The following ARHGAP33 variants were observed in gnomAD, a reference collection of about 807,000 sequenced individuals.
ARHGAP33 encodes the protein rho GTPase-activating protein 33.
Under a neutral mutation model 126.2 loss-of-function variants are expected in ARHGAP33, and 57 were observed. The ratio of observed to expected loss-of-function variants is 0.45; its 90% CI spans 0.36 to 0.56. ARHGAP33 has a LOEUF of 0.56. ARHGAP33 is among the 20% of genes least tolerant of loss of function. ARHGAP33 has a pLI of 0.00. For synonymous variants in ARHGAP33, 711 were observed against 755.0 expected (o/e 0.94, Z 0.95); for missense variants, 1,500 against 1,748.3 (o/e 0.86, Z 2.53).
At position 35,785,497 on chromosome 19, in the gene ARHGAP33, G is replaced by A. The variant is rs1326365175; in HGVS notation, c.1942+14G>A. 3 of 1,614,176 alleles carry A rather than the reference G, an allele frequency of 1.9e-6. No homozygotes were observed. Among genetic ancestry groups the A allele is most frequent in the Non-Finnish European group, 2.5e-6 (3 of 1,179,994 alleles). ...CCAGCGGGGCTGGTGAGCAAGGCGG[G>A]CAATTGGGGGGCGCTACCTGTGCCC... is the stretch of plus-strand genomic sequence containing the variant. On this transcript the variant is annotated intron_variant, in intron 19 of 20. Coordinates refer to ENST00000007510, the MANE Select transcript of ARHGAP33 (RefSeq NM_001366178.1).
intron 6 of ARHGAP33, 163 bp downstream of exon 6, chr19:35,779,287 T>A: frequency 1.7e-6 from 1 of 602,040 alleles, no homozygotes; most frequent in Non-Finnish European, 3.0e-6. Context: ...TGAGAGAATG[T>A]GTGTGAGCAT....
chr19:35,777,711 G>C lies in ARHGAP33; in HGVS notation c.73G>C (p.Gly25Arg). Residue 25 changes from glycine (G) to arginine (R), a missense_variant, in exon 2 of 21, where the codon GGG becomes CGG. Coordinates refer to ENST00000007510, the MANE Select transcript of ARHGAP33 (RefSeq NM_001366178.1). ...GSVQPLPTAGGPSVKGKPGKR... is the reference protein window; with the variant it reads ...GSVQPLPTAGRPSVKGKPGKR... Reference sequence around the variant, plus strand: ...GGTGCAGCCTCTACCCACTGCTGGGGGGCCCAGTGTGAAGGGGAAGCCTGG... The same window carrying C: ...GGTGCAGCCTCTACCCACTGCTGGGCGGCCCAGTGTGAAGGGGAAGCCTGG... The C allele has an allele frequency of 1.2e-6, 2 of 1,606,962 alleles. No individual in the cohort carries two copies. The highest frequency in any genetic ancestry group is 1.7e-4 in the Middle Eastern group (1 of 6,058).
At chr19:35,779,165 G>A in intron 6 of ARHGAP33, 41 bp downstream of exon 6, 1 of 1,505,338 alleles carries the variant, frequency 6.6e-7, no homozygotes, top group Non-Finnish European at 9.0e-7. Flanking sequence ...GAGTGGGTGA[G>A]GGGGTGTCTG....
At position 35,781,209 on chromosome 19, in the gene ARHGAP33, A is replaced by C; in HGVS notation, c.1042A>C (p.Ile348Leu). 6.2e-7 allele frequency: 1 copy of C among 1,612,876 alleles called. No homozygotes were observed. Residue 348 changes from isoleucine to leucine, a missense_variant, in exon 12 of 21, where the codon ATC becomes CTC. Ile to Leu is a conservative substitution (Grantham distance 5, BLOSUM62 2). Coordinates refer to ENST00000007510, the MANE Select transcript of ARHGAP33 (RefSeq NM_001366178.1). ...TGAGGCCCACGGGGTGGTGGATGGG[A>C]TCTACCGGCTCTCAGGCGTGTCTTC... ...FIEAHGVVDG[I>L]YRLSGVSSNI... is the part of the protein sequence containing the mutation.
chr19:35,788,416 G>T lies in ARHGAP33; in HGVS notation c.3851G>T (p.Arg1284Leu), dbSNP rs750212379. The T allele has an allele frequency of 1.3e-6, 2 of 1,568,978 alleles. No homozygotes were observed. The highest frequency in any genetic ancestry group is 1.7e-6 in the Non-Finnish European group (2 of 1,157,638). The change falls in exon 21 of 21, where the codon CGA becomes CTA. Residue 1284 changes from arginine (R) to leucine (L), a missense_variant. Around this residue, in one of 6 missense-constraint regions of ARHGAP33, gnomAD observed 642 missense variants for 634.0 expected, o/e 1.01. Transcript: ENST00000007510. ...SWSLHSEGQT[R>L]SYC ...TCCCTCCACTCTGAGGGCCAGACCC[G>T]AAGCTACTGCTGAGCACCAGCTGGG... is the stretch of plus-strand genomic sequence containing the variant.
Position 35,777,755 on chromosome 19 carries a change from G to T in ARHGAP33, c.104+13G>T. 1 of 1,613,524 alleles carries T rather than the reference G, an allele frequency of 6.2e-7. No homozygotes were observed. The highest frequency in any genetic ancestry group is 8.5e-7 in the Non-Finnish European group (1 of 1,179,628). Reference sequence around the variant, plus strand: ...AGCCTGGGAAGAGGTGAGGGTGAGGGAGGAAAGGGCTCAGCTAGGAGCTGG... The same window carrying T: ...AGCCTGGGAAGAGGTGAGGGTGAGGTAGGAAAGGGCTCAGCTAGGAGCTGG... On this transcript the variant is annotated intron_variant, in intron 2 of 20. Transcript: ENST00000007510.
chr19:35,780,105 T>A, intron 6 of ARHGAP33, 106 bp from the exon 7 acceptor site: 1 of 1,470,722 alleles, frequency 6.8e-7, no homozygotes, highest in Non-Finnish European at 9.3e-7. Flanking sequence ...TGACAGGGGC[T>A]CTTGACGGGG....
At chr19:35,777,336 G>A (rs1639496481) in intron 1 of ARHGAP33, among the ~76,000 whole-genome samples, 1 of 152,080 alleles carries the variant, frequency 6.6e-6, no homozygotes, top group South Asian at 2.1e-4. Flanking sequence ...ACAGTGGTAG[G>A]AGATCACTGT....
In ARHGAP33 at chr19:35,788,549, A is replaced by G. The variant is rs979006145; in HGVS notation, c.*120A>G. On this transcript the variant is annotated 3_prime_UTR_variant, in exon 21 of 21. Coordinates refer to ENST00000007510, the MANE Select transcript of ARHGAP33 (RefSeq NM_001366178.1). ...CACTACCCCAGGTTTCTAACTTTGT[A>G]ACTTGCTTCTGATGTGGGTCCCTAA... is the stretch of plus-strand genomic sequence containing the variant. 19 of 932,442 alleles carry G rather than the reference A, an allele frequency of 2.0e-5. No individual in the cohort carries two copies. The highest frequency in any genetic ancestry group is 2.9e-5 in the Non-Finnish European group (19 of 652,920). 57.8% of individuals were successfully genotyped at this position (932,442 alleles called of 1,614,324 possible). A position where few individuals can be genotyped will look rare whatever the true frequency, so the allele number is the denominator to read the frequency against.
chr19:35,783,616 T>G, intron 15 of ARHGAP33, among the ~76,000 whole-genome samples: 1 of 150,672 alleles, frequency 6.6e-6, no homozygotes, highest in Non-Finnish European at 1.5e-5. Context: ...TGGAGCTGAG[T>G]GAGTGAGGGG....
chr19:35,788,712 C>T lies in ARHGAP33; in HGVS notation c.*283C>T, dbSNP rs1972253345. On this transcript the variant is annotated 3_prime_UTR_variant, in exon 21 of 21. Coordinates refer to ENST00000007510, the MANE Select transcript of ARHGAP33 (RefSeq NM_001366178.1). ...ATCCTCCTCTCCCTCCAGGAGCCCCCAGCATGTCCTGACCTGTGCACGGGG... is the reference window on the plus strand; with the variant it reads ...ATCCTCCTCTCCCTCCAGGAGCCCCTAGCATGTCCTGACCTGTGCACGGGG... 1 of 412,474 alleles carries T rather than the reference C, an allele frequency of 2.4e-6. No individual in the cohort carries two copies. Among genetic ancestry groups the T allele is most frequent in the East Asian group, 4.4e-5 (1 of 22,562 alleles). 25.6% of individuals were successfully genotyped at this position (412,474 alleles called of 1,614,324 possible).
chr19:35,787,336 C>T lies in ARHGAP33; in HGVS notation c.2771C>T (p.Pro924Leu), dbSNP rs753376047. 6.2e-7 allele frequency: 1 copy of T among 1,611,708 alleles called. No individual in the cohort carries two copies. The highest frequency in any genetic ancestry group is 1.7e-5 in the Admixed American group (1 of 59,692). ...QQSQQECGGT[P>L]PASQSPFHRS... ...AGCCAGCAGGAGTGTGGGGGCACCC[C>T]ACCTGCTTCCCAATCCCCCTTCCAC... is the stretch of plus-strand genomic sequence containing the variant. Residue 924 changes from proline to leucine, a missense_variant, in exon 21 of 21, where the codon CCA becomes CTA. Coordinates refer to ENST00000007510, the MANE Select transcript of ARHGAP33 (RefSeq NM_001366178.1).
At chr19:35,784,451 G>A (rs1364214503) in intron 16 of ARHGAP33, 134 bp downstream of exon 16, 14 of 1,286,262 alleles carry the variant, frequency 1.1e-5, no homozygotes, top group East Asian at 2.9e-5. Flanking sequence ...TGAGGATCCC[G>A]CCCCGGCCTC....
chr19:35,780,589 T>A lies in ARHGAP33; in HGVS notation c.710T>A (p.Phe237Tyr), dbSNP rs781249508. ...GACCCTGACCTTCCTCAGGTCGGGT[T>A]CTTCCCCAGTGAGTGTGTGGAACTC... ...WRGKRGFQVG[F>Y]FPSECVELFT... Residue 237 changes from phenylalanine to tyrosine, a missense_variant, in exon 9 of 21, where the codon TTC (phenylalanine) becomes TAC (tyrosine). Physicochemically the swap from Phe to Tyr is conservative, Grantham distance 22 (BLOSUM62 3). Around this residue, in one of 6 missense-constraint regions of ARHGAP33, gnomAD observed 281 missense variants for 413.7 expected, o/e 0.68. Transcript: ENST00000007510. 3.7e-6 allele frequency: 6 copies of A among 1,613,190 alleles called. No homozygotes were observed. The highest frequency in any genetic ancestry group is 5.1e-6 in the Non-Finnish European group (6 of 1,179,868).
chr19:35,781,849 G>A (rs773813957), intron 12 of ARHGAP33, among the ~76,000 whole-genome samples: 18 of 152,248 alleles, frequency 1.2e-4, no homozygotes, highest in South Asian at 2.1e-4. Flanking sequence ...GCTCTGAGCC[G>A]GGGCGGGGTC....
In ARHGAP33 at chr19:35,786,832, G is replaced by A. The variant is rs767651865; in HGVS notation, c.2362G>A (p.Ala788Thr). 1.9e-5 allele frequency: 26 copies of A among 1,382,344 alleles called. No individual in the cohort carries two copies. In the East Asian group the frequency reaches 2.2e-4, roughly 12 times the overall value. 85.6% of individuals were successfully genotyped at this position (1,382,344 alleles called of 1,614,324 possible). The change falls in exon 20 of 21, where the codon GCC becomes ACC. Residue 788 changes from alanine (A) to threonine (T), a missense_variant. Physicochemically the swap from Ala to Thr is moderately conservative, Grantham distance 58. This residue lies in a region of ARHGAP33 where 73 missense variants were observed against 110.8 expected (regional missense o/e 0.66). Coordinates refer to ENST00000007510, the MANE Select transcript of ARHGAP33 (RefSeq NM_001366178.1). This position sits in a 1 kb window ranked among gnomAD's most constrained non-coding sequence, Gnocchi z 7.0. ...AISPRGPTSP[A>T]SPAALDISEP... ...CTCGCCCCGGGGGCCCACCAGCCCC[G>A]CCTCGCCTGCTGCCCTAGACATCTC...
Position 35,775,637 on chromosome 19 carries a change from G to C in ARHGAP33, c.-22G>C, listed in dbSNP as rs1568420193. On this transcript the variant is annotated 5_prime_UTR_variant, in exon 1 of 21. Transcript: ENST00000007510. ...CGAGCGAGGGGTCGAGCGCGGCCGGGGCCTGAGGAGGCTACGCGACCATGG... is the reference window on the plus strand; with the variant it reads ...CGAGCGAGGGGTCGAGCGCGGCCGGCGCCTGAGGAGGCTACGCGACCATGG... The C allele has an allele frequency of 6.5e-7, 1 of 1,538,382 alleles. No homozygotes were observed. Among genetic ancestry groups the C allele is most frequent in the African/African-American group, 1.4e-5 (1 of 69,568 alleles).
At chr19:35,783,620 T>G (rs1167254654) in intron 15 of ARHGAP33, among the ~76,000 whole-genome samples, 1 of 150,770 alleles carries the variant, frequency 6.6e-6, no homozygotes, top group Admixed American at 6.6e-5. Context: ...GCTGAGTGAG[T>G]GAGGGGCTGA....
chr19:35,782,640 T>G lies in ARHGAP33; in HGVS notation c.1274T>G (p.Val425Gly), dbSNP rs1599787271. The change falls in exon 14 of 21, where the codon GTG becomes GGG. Residue 425 changes from valine to glycine, a missense_variant. Val to Gly is a moderately radical substitution (Grantham distance 109). Transcript: ENST00000007510. This position sits in a 1 kb window ranked among gnomAD's most constrained non-coding sequence, Gnocchi z 4.1. ...GGGGAGGAGGAGCGTCTGGTGCGGG[T>G]GCACGATGTCATCCAGCAGCTGCCC... ...VPGEEERLVR[V>G]HDVIQQLPPP... The G allele has an allele frequency of 6.2e-7, 1 of 1,613,282 alleles. No individual in the cohort carries two copies. The highest frequency in any genetic ancestry group is 8.5e-7 in the Non-Finnish European group (1 of 1,179,778).
Sources: allele counts gnomAD v4.1 joint callset (sites outside exome capture counted in the v4.1 genomes callset), GRCh38; gene constraint gnomAD v4.1.1; regional missense constraint gnomAD v4.1.1; non-coding constraint Gnocchi (gnomAD v3.1); transcripts MANE v1.5; gene names NCBI Gene and HGNC (gene_info 2026-07-23, HGNC 2026-07-21).